Variants in PLA2G4A observed in about 807,000 individuals in gnomAD.
The protein encoded by PLA2G4A is cytosolic phospholipase A2.
In PLA2G4A, 40 loss-of-function variants were observed where a neutral mutation model predicts 81.9. The observed-to-expected ratio is 0.49, with a 90% CI of 0.38 to 0.64. The LOEUF (loss-of-function observed/expected upper bound fraction) is 0.64, where lower values mean the gene tolerates loss of function less well. Ranked by LOEUF, PLA2G4A falls within the 30% of genes least tolerant of loss-of-function variation. The probability of loss-of-function intolerance (pLI) is 0.00; values close to 1 mark genes in which losing one functional copy is unlikely to be tolerated. For missense variants in PLA2G4A, 715 were observed against 905.1 expected (o/e 0.79, Z 2.69); for synonymous variants, 302 against 296.9 (o/e 1.02, Z -0.18).
At chr1:186,978,117 T>G (rs904024874) in intron 16 of PLA2G4A, among the ~76,000 whole-genome samples, 4 of 152,200 alleles carry the variant, frequency 2.6e-5, no homozygotes, top group Non-Finnish European at 5.9e-5. Flanking sequence ...AAGAAAGCCC[T>G]TATTTCAGAA....
At chr1:186,905,533 A>C (rs1654703452) in intron 5 of PLA2G4A, among the ~76,000 whole-genome samples, 1 of 152,164 alleles carries the variant, frequency 6.6e-6, no homozygotes. Flanking sequence ...ATTCTCAATT[A>C]GTTTATTAAC....
chr1:186,967,184 A>T (rs1657163024), intron 15 of PLA2G4A, among the ~76,000 whole-genome samples: 1 of 152,174 alleles, frequency 6.6e-6, no homozygotes, highest in African/African-American at 2.4e-5. Flanking sequence ...AATAATGGTT[A>T]TTATAATAAC....
At chr1:186,976,219 G>T (rs1033853425) in intron 15 of PLA2G4A, among the ~76,000 whole-genome samples, 1 of 152,042 alleles carries the variant, frequency 6.6e-6, no homozygotes, top group East Asian at 1.9e-4. Flanking sequence ...GAACCTAGTC[G>T]ACCACTATTG....
intron 1 of PLA2G4A, among the ~76,000 whole-genome samples, chr1:186,838,849 A>G (rs938043494): frequency 1.3e-5 from 2 of 152,166 alleles, no homozygotes; most frequent in Non-Finnish European, 2.9e-5. Context: ...ATTTTGTGAT[A>G]ATAATAGACC....
intron 7 of PLA2G4A, among the ~76,000 whole-genome samples, chr1:186,914,072 C>CTTTTG (rs1655056232): frequency 6.9e-6 from 1 of 144,618 alleles, no homozygotes; most frequent in African/African-American, 2.7e-5. Context: ...AATCCTGCAT[C>CTTTTG]TTTTGTTTTG....
chr1:186,923,111 A>G (rs1655414760), intron 7 of PLA2G4A, among the ~76,000 whole-genome samples: 1 of 152,184 alleles, frequency 6.6e-6, no homozygotes, highest in African/African-American at 2.4e-5. Flanking sequence ...ATAAGACAAT[A>G]TGAGGAGTGG....
At chr1:186,849,585 G>T (rs867725883) in intron 1 of PLA2G4A, among the ~76,000 whole-genome samples, 23 of 152,008 alleles carry the variant, frequency 1.5e-4, no homozygotes, top group African/African-American at 5.6e-4. Flanking sequence ...CCAGCCACTT[G>T]TCTTCTCTCA....
intron 13 of PLA2G4A, among the ~76,000 whole-genome samples, chr1:186,955,900 A>T (rs111599167): frequency 4.1e-5 from 6 of 144,896 alleles, no homozygotes; most frequent in African/African-American, 7.7e-5. Flanking sequence ...TGACCAGCTA[A>T]TTTTTTTTTT....
At chr1:186,964,501 G>A (rs763876162) in intron 14 of PLA2G4A, among the ~76,000 whole-genome samples, 7 of 151,916 alleles carry the variant, frequency 4.6e-5, no homozygotes, top group Non-Finnish European at 7.4e-5. Context: ...TTCTGCCTTG[G>A]GACCCTTGCT....
At chr1:186,868,071 CTT>C (rs59978011) in intron 2 of PLA2G4A, among the ~76,000 whole-genome samples, 16,218 of 111,192 alleles carry the variant, frequency 0.15, 525 homozygotes, top group Middle Eastern at 0.26. Flanking sequence ...GTGTATAATT[CTT>C]TTTTTTTTTT....
At chr1:186,924,599 G>A (rs1396391337) in intron 7 of PLA2G4A, among the ~76,000 whole-genome samples, 2 of 151,850 alleles carry the variant, frequency 1.3e-5, no homozygotes, top group South Asian at 2.1e-4. Flanking sequence ...TTGAGACAGG[G>A]TTTCACTTTG....
chr1:186,889,925 G>A (rs184335360), intron 3 of PLA2G4A, among the ~76,000 whole-genome samples: 29 of 152,180 alleles, frequency 1.9e-4, no homozygotes, highest in Middle Eastern at 6.8e-3. Flanking sequence ...GAGAATGATT[G>A]TTGTAGTCAA....
chr1:186,899,440 G>A (rs1654461285), intron 5 of PLA2G4A, among the ~76,000 whole-genome samples: 1 of 152,178 alleles, frequency 6.6e-6, no homozygotes, highest in Non-Finnish European at 1.5e-5. Flanking sequence ...TGTGGTTGAG[G>A]TGGTTGGGTC....
intron 6 of PLA2G4A, among the ~76,000 whole-genome samples, chr1:186,910,296 T>G (rs1191139491): frequency 6.6e-6 from 1 of 152,254 alleles, no homozygotes; most frequent in African/African-American, 2.4e-5. Flanking sequence ...TTTTTATGAA[T>G]GGTAAAGAGA....
At chr1:186,974,466 G>A (rs1159780443) in intron 15 of PLA2G4A, among the ~76,000 whole-genome samples, 1 of 152,206 alleles carries the variant, frequency 6.6e-6, no homozygotes, top group African/African-American at 2.4e-5. Context: ...CAGCACTCCA[G>A]CCTGGGCAGC....
intron 2 of PLA2G4A, among the ~76,000 whole-genome samples, chr1:186,865,243 G>T (rs970671484): frequency 1.3e-5 from 2 of 151,704 alleles, no homozygotes; most frequent in African/African-American, 2.4e-5. Context: ...AACAAATTAT[G>T]TTCCAAATTA....
chr1:186,886,329 G>A (rs190572766), intron 3 of PLA2G4A, among the ~76,000 whole-genome samples: 1 of 152,142 alleles, frequency 6.6e-6, no homozygotes, highest in East Asian at 1.9e-4. Flanking sequence ...GCAATGCAAG[G>A]GCTAAAGGCA....
intron 1 of PLA2G4A, among the ~76,000 whole-genome samples, chr1:186,834,582 G>A (rs1651713536): frequency 1.3e-5 from 2 of 152,010 alleles, no homozygotes; most frequent in African/African-American, 2.4e-5. Context: ...TAACTCAATC[G>A]TTCTGCCCTT....
intron 17 of PLA2G4A, among the ~76,000 whole-genome samples, chr1:186,982,372 CAGGTGTGGT>C (rs1462632296): frequency 1.3e-5 from 2 of 152,176 alleles, no homozygotes; most frequent in African/African-American, 2.4e-5. Flanking sequence ...GTCTCTGAAA[CAGGTGTGGT>C]AGGATCTATA....
Sources: allele counts gnomAD v4.1 joint callset (sites outside exome capture counted in the v4.1 genomes callset), GRCh38; gene constraint gnomAD v4.1.1; transcripts MANE v1.5; gene names NCBI Gene and HGNC (gene_info 2026-07-23, HGNC 2026-07-21).